Variants in ZMYND15 observed in about 807,000 individuals in gnomAD.
The protein encoded by ZMYND15 is zinc finger MYND domain-containing protein 15.
Under a neutral mutation model 81.7 loss-of-function variants are expected in ZMYND15, and 54 were observed. That is an observed-to-expected ratio of 0.66 (90% CI 0.53 to 0.83). The LOEUF is 0.83. Ranked by LOEUF, ZMYND15 falls within the 40% of genes least tolerant of loss-of-function variation. The pLI is 0.00. For missense variants in ZMYND15, 925 were observed against 973.5 expected, an observed-to-expected ratio of 0.95 and a Z score of 0.66; for synonymous variants, 399 against 387.0, an observed-to-expected ratio of 1.03 and a Z score of -0.36.
At position 4,741,238 on chromosome 17, in the gene ZMYND15, C is replaced by T. The variant is rs910156837; in HGVS notation, c.592+98C>T. 16 of 1,315,100 alleles carry T rather than the reference C, an allele frequency of 1.2e-5. No homozygotes were observed. The Admixed American group carries it at 1.4e-4, about 12-fold the overall frequency. The allele number at this position is 1,315,100 out of a possible 1,614,324, so 81.5% of individuals were successfully genotyped here. A position where few individuals can be genotyped will look rare whatever the true frequency, so the allele number is the denominator to read the frequency against. On this transcript the variant is annotated intron_variant, in intron 2 of 13. Transcript: ENST00000433935. ...TAGTTCTGAGTGCTGGCCTTCAGGC[C>T]AATCTGGCCTGAAAAGGTGTTTTTA...
In ZMYND15 at chr17:4,744,100, C is replaced by A; in HGVS notation, c.1488C>A (p.Pro496=). 1 of 1,595,702 alleles carries A rather than the reference C, an allele frequency of 6.3e-7. No homozygotes were observed. The highest frequency in any genetic ancestry group is 8.5e-7 in the Non-Finnish European group (1 of 1,170,978). ...ACTACGTCATCACCCACCTGGTGCCCCAGTCCTGTAAGGAGAGCGGAGTGG... is the reference window on the plus strand; with the variant it reads ...ACTACGTCATCACCCACCTGGTGCCACAGTCCTGTAAGGAGAGCGGAGTGG... The part of the protein sequence containing the change: ...TVYYVITHLV[P]QSFPELNIQN... Residue 496 remains proline, a synonymous_variant, in exon 8 of 14, where the codon CCC becomes CCA. Coordinates refer to ENST00000433935, the MANE Select transcript of ZMYND15 (RefSeq NM_001136046.3). This position sits in a 1 kb window ranked among gnomAD's most constrained non-coding sequence, Gnocchi z 4.1.
At chr17:4,740,437 C>T in intron 1 of ZMYND15, 82 bp from the exon 2 acceptor site, 2 of 1,426,302 alleles carry the variant, frequency 1.4e-6, no homozygotes, top group Admixed American at 2.9e-5. Flanking sequence ...CTCAAACCTA[C>T]CCTCTCCCTC....
In ZMYND15 at chr17:4,743,818, T is replaced by C; in HGVS notation, c.1349T>C (p.Val450Ala). 1 of 1,613,966 alleles carries C rather than the reference T, an allele frequency of 6.2e-7. No individual in the cohort carries two copies. Among genetic ancestry groups the C allele is most frequent in the Non-Finnish European group, 8.5e-7 (1 of 1,179,978 alleles). Residue 450 changes from valine to alanine, a missense_variant, in exon 7 of 14, where the codon GTG (valine) becomes GCG (alanine). Physicochemically the swap from Val to Ala is moderately conservative, Grantham distance 64. Coordinates refer to ENST00000433935, the MANE Select transcript of ZMYND15 (RefSeq NM_001136046.3). This position sits in a 1 kb window ranked among gnomAD's most constrained non-coding sequence, Gnocchi z 4.3. ...QGDGTALMPP[V>A]PPHPPRGVFG... Reference sequence around the variant, plus strand: ...GACGGGACTGCCCTGATGCCTCCTGTGCCCCCACATCCACCCCGGGGTGTT... The same window carrying C: ...GACGGGACTGCCCTGATGCCTCCTGCGCCCCCACATCCACCCCGGGGTGTT...
In ZMYND15 at chr17:4,745,735, G is replaced by GCCCCAGGGAGCCCCGA; in HGVS notation, c.2058-80_2058-79insAGGGAGCCCCGACCCC. 1.3e-6 allele frequency: 1 copy of GCCCCAGGGAGCCCCGA among 775,946 alleles called. No homozygotes were observed. The highest frequency in any genetic ancestry group is 3.2e-5 in the Admixed American group (1 of 31,374). The allele number at this position is 775,946 out of a possible 1,614,324, so 48.1% of individuals were successfully genotyped here. ...GCCCCGCCCCCTGGTCCCTGACCGCGCCCCTGGGAGCCCCGACCCCTGGGA... is the reference window on the plus strand; with the variant it reads ...GCCCCGCCCCCTGGTCCCTGACCGCGCCCCAGGGAGCCCCGACCCCTGGGAGCCCCGACCCCTGGGA... On this transcript the variant is annotated intron_variant, in intron 13 of 13. Transcript: ENST00000433935. This position sits in a 1 kb window ranked among gnomAD's most constrained non-coding sequence, Gnocchi z 5.2.
rs369628538 is a variant in ZMYND15, at chr17:4,745,358, C to T, written c.2040C>T (p.Ala680=). 1.9e-6 allele frequency: 3 copies of T among 1,606,778 alleles called. No homozygotes were observed. The highest frequency in any genetic ancestry group is 2.5e-6 in the Non-Finnish European group (3 of 1,176,968). Residue 680 remains alanine (A), a synonymous_variant, in exon 13 of 14, where the codon GCC becomes GCT. Coordinates refer to ENST00000433935, the MANE Select transcript of ZMYND15 (RefSeq NM_001136046.3). This position sits in a 1 kb window ranked among gnomAD's most constrained non-coding sequence, Gnocchi z 5.2. The part of the protein sequence containing the change: ...PFRSPFRLRA[A]DNCMSWYCNA... ...GCTCCCCCTTTCGCCTCAGAGCGGC[C>T]GACAACTGCATGTCCTGGTAAGGGT...
At chr17:4,741,837 A>G (rs542502308) in intron 3 of ZMYND15, 21 bp downstream of exon 3, 5 of 1,577,784 alleles carry the variant, frequency 3.2e-6, no homozygotes, top group Admixed American at 1.8e-5. Flanking sequence ...CTGGTATCTG[A>G]GGCTGGGGAG....
intron 4 of ZMYND15, 95 bp from the exon 5 acceptor site, chr17:4,742,236 G>T: frequency 6.4e-7 from 1 of 1,553,320 alleles, no homozygotes; most frequent in South Asian, 1.2e-5. Context: ...AAGACAAACA[G>T]ACCGAGTGAC....
In ZMYND15 at chr17:4,742,451, G is replaced by A. The variant is rs1174699751; in HGVS notation, c.1104G>A (p.Arg368=). ...CAAGGCTTGCAGCCTTCATGGAGCG[G>A]GCAGGAGAACTGGCAACCCTGCCTT... ...WCPRLAAFME[R]AGELATLPFT... The change falls in exon 5 of 14, where the codon CGG becomes CGA. Residue 368 remains arginine (R), a synonymous_variant. Coordinates refer to ENST00000433935, the MANE Select transcript of ZMYND15 (RefSeq NM_001136046.3). The A allele has an allele frequency of 6.2e-7, 1 of 1,614,152 alleles. No individual in the cohort carries two copies. The highest frequency in any genetic ancestry group is 1.1e-5 in the South Asian group (1 of 91,086).
In ZMYND15 at chr17:4,743,418, CCG is replaced by C. The variant is rs1916518342; in HGVS notation, c.1261_1262del (p.Gly422GlnfsTer79). On this transcript the variant is annotated frameshift_variant, in exon 6 of 14. Transcript: ENST00000433935. LOFTEE classifies it high-confidence loss of function. The surrounding 1 kb of genome is among the most constrained non-coding windows in gnomAD (Gnocchi z 4.3). ...CAGGCCCGGGCTTCTCCAGACACCC[CCG>C]AGGCAACACGCCATCCCTCAGCCTT... Reference protein sequence around the residue: ...IPGPGFSRHPRGNTPSLSLLR... With the variant: ...IPGPGFSRHPXGNTPSLSLLR... 6.2e-7 allele frequency: 1 copy of C among 1,613,774 alleles called. No homozygotes were observed. Among genetic ancestry groups the C allele is most frequent in the South Asian group, 1.1e-5 (1 of 91,076 alleles).
Position 4,745,757 on chromosome 17 carries a change from G to C in ZMYND15, c.2058-62G>C, listed in dbSNP as rs1229363331. The C allele has an allele frequency of 7.1e-7, 1 of 1,413,964 alleles. No homozygotes were observed. The highest frequency in any genetic ancestry group is 2.6e-5 in the East Asian group (1 of 38,902). 87.6% of individuals were successfully genotyped at this position (1,413,964 alleles called of 1,614,324 possible). On this transcript the variant is annotated intron_variant, in intron 13 of 13. Coordinates refer to ENST00000433935, the MANE Select transcript of ZMYND15 (RefSeq NM_001136046.3). The surrounding 1 kb of genome is among the most constrained non-coding windows in gnomAD (Gnocchi z 5.2). ...CGCGCCCCTGGGAGCCCCGACCCCT[G>C]GGAGCGCCGACCCCTGGGAGTCCCG...
chr17:4,745,769 C>T lies in ZMYND15; in HGVS notation c.2058-50C>T, dbSNP rs1415896567. 1.3e-6 allele frequency: 2 copies of T among 1,509,262 alleles called. No individual in the cohort carries two copies. The highest frequency in any genetic ancestry group is 1.4e-5 in the African/African-American group (1 of 69,672). 93.5% of individuals were successfully genotyped at this position (1,509,262 alleles called of 1,614,324 possible). Reference sequence around the variant, plus strand: ...AGCCCCGACCCCTGGGAGCGCCGACCCCTGGGAGTCCCGCCCCGTGGTCCC... The same window carrying T: ...AGCCCCGACCCCTGGGAGCGCCGACTCCTGGGAGTCCCGCCCCGTGGTCCC... On this transcript the variant is annotated intron_variant, in intron 13 of 13. Coordinates refer to ENST00000433935, the MANE Select transcript of ZMYND15 (RefSeq NM_001136046.3). The surrounding 1 kb of genome is among the most constrained non-coding windows in gnomAD (Gnocchi z 5.2).
rs1196695741 is a variant in ZMYND15 at position 4,740,965 on chromosome 17, G to A, written c.417G>A (p.Val139=). The A allele has an allele frequency of 2.5e-6, 4 of 1,569,738 alleles. No individual in the cohort carries two copies. In the East Asian group the frequency reaches 7.0e-5, roughly 28 times the overall value. The change falls in exon 2 of 14, where the codon GTG becomes GTA. Residue 139 remains valine, a synonymous_variant. Coordinates refer to ENST00000433935, the MANE Select transcript of ZMYND15 (RefSeq NM_001136046.3). ...EDGGAGSTEK[V]EPEEDRELAP... is the part of the protein sequence containing the mutation. ...GGGGTGCAGGCAGCACAGAGAAGGTGGAACCAGAGGAGGACCGGGAGCTAG... is the reference window on the plus strand; with the variant it reads ...GGGGTGCAGGCAGCACAGAGAAGGTAGAACCAGAGGAGGACCGGGAGCTAG...
chr17:4,742,830 G>C (rs1916485815), intron 5 of ZMYND15, among the ~76,000 whole-genome samples: 3 of 152,152 alleles, frequency 2.0e-5, no homozygotes, highest in Admixed American at 2.0e-4. Context: ...TACGGAGAAG[G>C]CCCATGGAAT....
Position 4,740,638 on chromosome 17 carries a change from A to G in ZMYND15, c.90A>G (p.Gly30=), listed in dbSNP as rs749762240. The stretch of plus-strand genomic sequence containing the variant: ...TCCGAAAGTTTGTGGCAGAGCGTGG[A>G]GCTGTAGGGACTAGCCTTGAGGGCC... ...GWFRKFVAER[G]AVGTSLEGRC... is the part of the protein sequence containing the mutation. Residue 30 remains glycine, a synonymous_variant, in exon 2 of 14, where the codon GGA becomes GGG. Coordinates refer to ENST00000433935, the MANE Select transcript of ZMYND15 (RefSeq NM_001136046.3). 1 of 1,614,136 alleles carries G rather than the reference A, an allele frequency of 6.2e-7. No homozygotes were observed. The highest frequency in any genetic ancestry group is 1.1e-5 in the South Asian group (1 of 91,082).
rs2150625080 is a variant in ZMYND15 at position 4,740,699 on chromosome 17, C to T, written c.151C>T (p.Pro51Ser). 6.2e-7 allele frequency: 1 copy of T among 1,613,806 alleles called. No homozygotes were observed. The highest frequency in any genetic ancestry group is 2.2e-5 in the East Asian group (1 of 44,880). The change falls in exon 2 of 14, where the codon CCC (proline) becomes TCC (serine). Residue 51 changes from proline (P) to serine (S), a missense_variant. Physicochemically the swap from Pro to Ser is moderately conservative, Grantham distance 74. Transcript: ENST00000433935. ...RQLEAQIRRL[P>S]QDPALWVLHV... ...GCTGGAGGCCCAGATCAGAAGGCTACCCCAGGACCCTGCCCTTTGGGTGCT... is the reference window on the plus strand; with the variant it reads ...GCTGGAGGCCCAGATCAGAAGGCTATCCCAGGACCCTGCCCTTTGGGTGCT...
rs993588923 is a variant in ZMYND15 at position 4,746,073 on chromosome 17, T to G, written c.*83T>G. On this transcript the variant is annotated 3_prime_UTR_variant, in exon 14 of 14. Transcript: ENST00000433935. ...CTCAAGGCCTAGGGGGAGGACAGGT[T>G]GGTAAAACATGAAAAGGTAAATAAA... 3.1e-6 allele frequency: 4 copies of G among 1,293,468 alleles called. No individual in the cohort carries two copies. The highest frequency in any genetic ancestry group is 4.0e-6 in the Non-Finnish European group (4 of 999,890). The allele number at this position is 1,293,468 out of a possible 1,614,324, so 80.1% of individuals were successfully genotyped here.
In ZMYND15 at chr17:4,741,543, G is replaced by A. The variant is rs773432877; in HGVS notation, c.593-39G>A. ...CTGACCCTGACCACATTTGTCTCTC[G>A]CTGCCCCCTACCACCTCAACTTTTC... On this transcript the variant is annotated intron_variant, in intron 2 of 13. Coordinates refer to ENST00000433935, the MANE Select transcript of ZMYND15 (RefSeq NM_001136046.3). 47 of 1,609,550 alleles carry A rather than the reference G, an allele frequency of 2.9e-5. No individual in the cohort carries two copies. The Admixed American group carries it at 4.3e-4, about 15-fold the overall frequency.
In ZMYND15 at chr17:4,741,800, G is replaced by A; in HGVS notation, c.811G>A (p.Asp271Asn). The change falls in exon 3 of 14, where the codon GAT becomes AAT. Residue 271 changes from aspartate (D) to asparagine (N), a missense_variant. Transcript: ENST00000433935. ...PRKPRQLTVGDARLHRELESL... is the reference protein window; with the variant it reads ...PRKPRQLTVGNARLHRELESL... Reference sequence around the variant, plus strand: ...AAAGCCCCGACAGCTTACTGTGGGAGATGCCCGGCTGCATCGGTATAGAAA... The same window carrying A: ...AAAGCCCCGACAGCTTACTGTGGGAAATGCCCGGCTGCATCGGTATAGAAA... 1.3e-6 allele frequency: 2 copies of A among 1,575,842 alleles called. No individual in the cohort carries two copies. Among genetic ancestry groups the A allele is most frequent in the South Asian group, 2.3e-5 (2 of 85,688 alleles).
rs1481859879 is a variant in ZMYND15, at chr17:4,743,482, C to T, written c.1297+27C>T. 1.2e-6 allele frequency: 2 copies of T among 1,612,362 alleles called. No individual in the cohort carries two copies. Among genetic ancestry groups the T allele is most frequent in the Non-Finnish European group, 8.5e-7 (1 of 1,179,530 alleles). ...TGCGTGGGGTCTCTCCAGGCATGGG[C>T]CCCTTGGCCTAGAGGGAAGGACTGG... On this transcript the variant is annotated intron_variant, in intron 6 of 13. Coordinates refer to ENST00000433935, the MANE Select transcript of ZMYND15 (RefSeq NM_001136046.3). This position sits in a 1 kb window ranked among gnomAD's most constrained non-coding sequence, Gnocchi z 4.3.
Sources: gnomAD v4.1 joint callset for allele counts (sites outside exome capture counted in the v4.1 genomes callset) on GRCh38, gnomAD v4.1.1 for gene constraint, Gnocchi (gnomAD v3.1) non-coding constraint, MANE v1.5 for transcripts, NCBI Gene and HGNC (gene_info 2026-07-23, HGNC 2026-07-21) for gene names.